DSCAML1: variants seen among roughly 807,000 people sequenced by gnomAD.
DSCAML1 encodes DS cell adhesion molecule like 1, also known as cell adhesion molecule DSCAML1.
Under a neutral mutation model 200.5 loss-of-function variants are expected in DSCAML1, and 38 were observed. The observed-to-expected ratio is 0.19, with a 90% CI of 0.15 to 0.25. The LOEUF (loss-of-function observed/expected upper bound fraction) is 0.25, where lower values mean the gene tolerates loss of function less well. Among genes scored for constraint, DSCAML1 ranks in the 10% least tolerant of loss-of-function variants. DSCAML1 has a pLI of 1.00. For missense variants in DSCAML1, 2,223 were observed against 2,858.8 expected (o/e 0.78, Z 5.07); for synonymous variants, 1,215 against 1,165.0 (o/e 1.04, Z -0.87).
intron 3 of DSCAML1, among the ~76,000 whole-genome samples, chr11:117,595,009 G>T (rs190734773): frequency 6.9e-4 from 104 of 149,874 alleles, no homozygotes; most frequent in Non-Finnish European, 1.2e-3. Flanking sequence ...TTCTATGGTG[G>T]GTTGGTGGGT....
At position 117,543,464 on chromosome 11, in the gene DSCAML1, C is replaced by T. The variant is rs917391981; in HGVS notation, c.512-10942G>A. ...GTACCTGCACTGGCATGTGTACCTG[C>T]GCTGGTGTGTGACCCTGTGCTGGTG... is the stretch of plus-strand genomic sequence containing the variant. On this transcript the variant is annotated intron_variant, in intron 3 of 32. Transcript: ENST00000651296. Among the ~76,000 whole-genome samples, 8 of 151,912 alleles carry T rather than the reference C, an allele frequency of 5.3e-5. No homozygotes were observed. The East Asian group carries it at 7.7e-4, about 15-fold the overall frequency.
At chr11:117,674,661 T>C (rs1276592211) in intron 3 of DSCAML1, among the ~76,000 whole-genome samples, 1 of 152,154 alleles carries the variant, frequency 6.6e-6, no homozygotes, top group Non-Finnish European at 1.5e-5. Flanking sequence ...TAAGCACCCC[T>C]TTCTTCTGTA....
chr11:117,744,574 T>C (rs1035625873), intron 3 of DSCAML1, among the ~76,000 whole-genome samples: 6 of 152,238 alleles, frequency 3.9e-5, no homozygotes, highest in African/African-American at 1.4e-4. Context: ...CTCCTCTGCG[T>C]CCTGCCAGGT....
At chr11:117,720,205 C>A (rs556700497) in intron 3 of DSCAML1, among the ~76,000 whole-genome samples, 3 of 152,156 alleles carry the variant, frequency 2.0e-5, no homozygotes, top group Non-Finnish European at 2.9e-5. Flanking sequence ...ACCCAGGCAG[C>A]CAGGTATGGA....
intron 19 of DSCAML1, among the ~76,000 whole-genome samples, chr11:117,452,866 G>T (rs893087886): frequency 1.3e-5 from 2 of 152,154 alleles, no homozygotes; most frequent in African/African-American, 4.8e-5. Flanking sequence ...CTCAGACAAT[G>T]CAATGACCTT....
chr11:117,777,395 G>GC (rs771990987), intron 2 of DSCAML1, among the ~76,000 whole-genome samples: 14 of 152,266 alleles, frequency 9.2e-5, no homozygotes, highest in Admixed American at 5.9e-4. Context: ...ACCCAGGGTG[G>GC]CAATTATTTT....
intron 3 of DSCAML1, among the ~76,000 whole-genome samples, chr11:117,534,397 A>T (rs1236822712): frequency 1.3e-5 from 2 of 151,650 alleles, no homozygotes; most frequent in African/African-American, 4.8e-5. Context: ...TCCCTCCCTC[A>T]CTCAGCAGCC....
At chr11:117,467,961 G>A (rs1009694866) in intron 16 of DSCAML1, among the ~76,000 whole-genome samples, 2 of 151,948 alleles carry the variant, frequency 1.3e-5, no homozygotes, top group African/African-American at 2.4e-5. Context: ...ACCTGCACAC[G>A]TGACCACATC....
In DSCAML1 at chr11:117,437,799, C is replaced by T; in HGVS notation, c.4432+96G>A. ...TCCCTGCATCCCTGGACCCCTCCTT[C>T]CCCACCCCAGCCACCTTACACCCCA... is the stretch of plus-strand genomic sequence containing the variant. On this transcript the variant is annotated intron_variant, in intron 25 of 32. Coordinates refer to ENST00000651296, the MANE Select transcript of DSCAML1 (RefSeq NM_020693.4). The surrounding 1 kb of genome is among the most constrained non-coding windows in gnomAD (Gnocchi z 5.3). 1.5e-6 allele frequency: 2 copies of T among 1,347,224 alleles called. No homozygotes were observed. Among genetic ancestry groups the T allele is most frequent in the Non-Finnish European group, 2.0e-6 (2 of 1,014,878 alleles). 83.5% of individuals were successfully genotyped at this position (1,347,224 alleles called of 1,614,324 possible).
intron 19 of DSCAML1, among the ~76,000 whole-genome samples, chr11:117,453,878 G>A (rs1326724696): frequency 1.3e-5 from 2 of 151,750 alleles, no homozygotes; most frequent in Non-Finnish European, 2.9e-5. Context: ...GAGTAGCTGG[G>A]ATTACAGGCA....
intron 24 of DSCAML1, among the ~76,000 whole-genome samples, chr11:117,438,380 G>A (rs2047968029): frequency 6.6e-6 from 1 of 152,156 alleles, no homozygotes; most frequent in South Asian, 2.1e-4. Context: ...TTCGGGAGGG[G>A]AGAAAACCAG....
chr11:117,591,669 G>A (rs1369417094), intron 3 of DSCAML1, among the ~76,000 whole-genome samples: 4 of 152,092 alleles, frequency 2.6e-5, no homozygotes, highest in African/African-American at 4.8e-5. Flanking sequence ...AAATTATCCC[G>A]GCGCTCTGAT....
chr11:117,492,622 G>T (rs1212987149), intron 11 of DSCAML1, among the ~76,000 whole-genome samples: 3 of 151,930 alleles, frequency 2.0e-5, no homozygotes, highest in African/African-American at 4.8e-5. Flanking sequence ...GCCTTGTGTC[G>T]CTGCTCCTTG....
intron 7 of DSCAML1, among the ~76,000 whole-genome samples, chr11:117,517,470 AACTGGGAAATCTTCCAGGGCCCG>A (rs891637677): frequency 1.3e-4 from 20 of 152,318 alleles, no homozygotes; most frequent in South Asian, 4.1e-4. Context: ...TGAGGGGCCC[AACTGGGAAATCTTCCAGGGCCCG>A]ACTGGGAAAT....
intron 14 of DSCAML1, among the ~76,000 whole-genome samples, chr11:117,476,220 C>T (rs966174346): frequency 6.6e-6 from 1 of 152,224 alleles, no homozygotes; most frequent in East Asian, 1.9e-4. Flanking sequence ...GCTCTGTGGG[C>T]TGCTTGCTGA....
At position 117,435,768 on chromosome 11, in the gene DSCAML1, AC is replaced by A. The variant is rs765578378; in HGVS notation, c.4751del (p.Gly1584ValfsTer6). ...ACAGCTTCTTCACATCATCCCCTTC[AC>A]CTTGAGCAGACTTGATGGGTGGAAT... ...STIPPIKSAQ[G>X]EGDDVKKLFT... On this transcript the variant is annotated frameshift_variant, in exon 27 of 33. Transcript: ENST00000651296. LOFTEE classifies it high-confidence loss of function. The A allele has an allele frequency of 6.2e-7, 1 of 1,612,702 alleles. No individual in the cohort carries two copies. The highest frequency in any genetic ancestry group is 8.5e-7 in the Non-Finnish European group (1 of 1,178,912).
chr11:117,485,762 G>A (rs2049034702), intron 11 of DSCAML1, among the ~76,000 whole-genome samples: 1 of 152,144 alleles, frequency 6.6e-6, no homozygotes, highest in African/African-American at 2.4e-5. Flanking sequence ...TTGGGTAGAG[G>A]AAAAAAGCCT....
intron 11 of DSCAML1, among the ~76,000 whole-genome samples, chr11:117,499,715 A>G (rs1046527383): frequency 3.9e-5 from 6 of 152,206 alleles, no homozygotes; most frequent in South Asian, 2.1e-4. Context: ...CTGTGTGCTT[A>G]GGCACTCGTG....
At chr11:117,450,861 G>A (rs1388584769) in intron 19 of DSCAML1, among the ~76,000 whole-genome samples, 173 bp from the exon 20 acceptor site, 1 of 152,176 alleles carries the variant, frequency 6.6e-6, no homozygotes, top group African/African-American at 2.4e-5. Context: ...ACAGGTGGGA[G>A]GAGAAAATGA....
Sources: gnomAD v4.1 joint callset for allele counts (sites outside exome capture counted in the v4.1 genomes callset) on GRCh38, gnomAD v4.1.1 for gene constraint, Gnocchi (gnomAD v3.1) non-coding constraint, MANE v1.5 for transcripts, NCBI Gene and HGNC (gene_info 2026-07-23, HGNC 2026-07-21) for gene names.